Variants in ASTN2 observed in about 807,000 individuals in gnomAD.
ASTN2 encodes astrotactin-2.
Under a neutral mutation model 139.8 loss-of-function variants are expected in ASTN2, and 54 were observed. The observed-to-expected ratio is 0.39, with a 90% CI of 0.31 to 0.48. The LOEUF is 0.48. Ranked by LOEUF, ASTN2 falls within the 20% of genes least tolerant of loss-of-function variation. ASTN2 has a pLI of 0.95. For missense variants in ASTN2, 1,565 were observed against 1,725.1 expected (o/e 0.91, Z 1.64); for synonymous variants, 756 against 719.5 (o/e 1.05, Z -0.81).
intron 3 of ASTN2, among the ~76,000 whole-genome samples, chr9:117,205,209 C>A (rs1304704841): frequency 2.0e-5 from 3 of 152,112 alleles, no homozygotes; most frequent in Non-Finnish European, 4.4e-5. Flanking sequence ...GAGCAGTGAG[C>A]ATATCATGGT....
chr9:116,942,078 G>A (rs1042895447), intron 10 of ASTN2, among the ~76,000 whole-genome samples: 6 of 51,894 alleles, frequency 1.2e-4, no homozygotes, highest in East Asian at 7.6e-4. Flanking sequence ...GCAAGTGCAC[G>A]TACGCACGCA....
chr9:117,002,126 C>A (rs1417731738), intron 7 of ASTN2, among the ~76,000 whole-genome samples: 1 of 152,152 alleles, frequency 6.6e-6, no homozygotes, highest in Non-Finnish European at 1.5e-5. Flanking sequence ...GAGCAAGGTG[C>A]TTTGCTGGGC....
At chr9:117,337,799 A>C (rs1828932864) in intron 1 of ASTN2, among the ~76,000 whole-genome samples, 1 of 152,128 alleles carries the variant, frequency 6.6e-6, no homozygotes, top group South Asian at 2.1e-4. Context: ...AGCCAAGGGG[A>C]GAAGCAGAAG....
intron 16 of ASTN2, among the ~76,000 whole-genome samples, chr9:116,683,413 C>G (rs1311041376): frequency 1.3e-5 from 2 of 152,074 alleles, no homozygotes; most frequent in Non-Finnish European, 2.9e-5. Context: ...CAGAAGTAAC[C>G]AAGATTCCTA....
At chr9:116,939,116 G>A (rs1588426906) in intron 10 of ASTN2, among the ~76,000 whole-genome samples, 1 of 152,128 alleles carries the variant, frequency 6.6e-6, no homozygotes, top group Admixed American at 6.6e-5. Flanking sequence ...TTCAAATCCC[G>A]GTTCTGTCAC....
intron 10 of ASTN2, among the ~76,000 whole-genome samples, chr9:116,869,078 G>A (rs188919170): frequency 4.6e-5 from 7 of 152,042 alleles, no homozygotes; most frequent in Admixed American, 1.3e-4. Flanking sequence ...CCAGCTACTC[G>A]GGAGGCTGAA....
intron 3 of ASTN2, among the ~76,000 whole-genome samples, chr9:117,184,076 C>T (rs1260783329): frequency 6.6e-6 from 1 of 152,154 alleles, no homozygotes; most frequent in Non-Finnish European, 1.5e-5. Flanking sequence ...AGGTTAAGAG[C>T]CAGAAGAAGG....
rs774021798 is a variant in ASTN2, at chr9:117,215,117, CA to C, written c.631-376del. On this transcript the variant is annotated intron_variant, in intron 2 of 22. Coordinates refer to ENST00000313400, the MANE Select transcript of ASTN2 (RefSeq NM_001365068.1). ...GAAGGGTCAGTGCTGCGGCTTCACA[CA>C]GGTGAATGTCTGAATCTAGACTCCA... 3.3e-5 allele frequency among the ~76,000 whole-genome samples: 5 copies of C among 152,118 alleles called. No homozygotes were observed. The East Asian group carries it at 9.6e-4, about 29-fold the overall frequency.
At chr9:116,537,507 T>C (rs1420216328) in intron 19 of ASTN2, among the ~76,000 whole-genome samples, 1 of 152,192 alleles carries the variant, frequency 6.6e-6, no homozygotes, top group Non-Finnish European at 1.5e-5. Flanking sequence ...ATGTGTAATG[T>C]ATACATGTGG....
chr9:116,593,415 C>T (rs1235961207), intron 19 of ASTN2, among the ~76,000 whole-genome samples: 5 of 152,222 alleles, frequency 3.3e-5, no homozygotes, highest in South Asian at 4.1e-4. Flanking sequence ...ATGCCATTCT[C>T]CACATGTATG....
chr9:117,252,938 A>ATGTTGT (rs34440437), intron 2 of ASTN2, among the ~76,000 whole-genome samples: 7 of 151,818 alleles, frequency 4.6e-5, no homozygotes, highest in African/African-American at 1.5e-4. Flanking sequence ...ACTATGTTAT[A>ATGTTGT]TGTTGTTGTT....
chr9:117,100,730 A>G (rs1828957275), intron 4 of ASTN2, among the ~76,000 whole-genome samples: 1 of 152,230 alleles, frequency 6.6e-6, no homozygotes, highest in African/African-American at 2.4e-5. Flanking sequence ...AAAATGTTCA[A>G]TCTTAAAAAA....
chr9:117,084,386 G>A (rs889108345), intron 5 of ASTN2, among the ~76,000 whole-genome samples: 3 of 152,128 alleles, frequency 2.0e-5, no homozygotes, highest in East Asian at 1.9e-4. Flanking sequence ...CAAGAGTTAC[G>A]GTAAGCAAAA....
rs890194822 is a variant in ASTN2 at position 116,554,967 on chromosome 9, G to A, written c.3355+63357C>T. 6.6e-5 allele frequency among the ~76,000 whole-genome samples: 10 copies of A among 152,296 alleles called. No individual in the cohort carries two copies. The South Asian group carries it at 1.7e-3, about 25-fold the overall frequency. Reference sequence around the variant, plus strand: ...TTGATTTTCCAGGGTCTTTCGAGGAGGGAAACTGTGAGATTATCTGTGCAC... The same window carrying A: ...TTGATTTTCCAGGGTCTTTCGAGGAAGGAAACTGTGAGATTATCTGTGCAC... On this transcript the variant is annotated intron_variant, in intron 19 of 22. Transcript: ENST00000313400.
At chr9:117,027,327 A>G (rs1164923780) in intron 6 of ASTN2, among the ~76,000 whole-genome samples, 1 of 152,104 alleles carries the variant, frequency 6.6e-6, no homozygotes, top group Non-Finnish European at 1.5e-5. Context: ...TGCCCTTTGT[A>G]AAAGCAACTG....
At chr9:117,230,690 C>T (rs2133055685) in intron 2 of ASTN2, among the ~76,000 whole-genome samples, 1 of 152,156 alleles carries the variant, frequency 6.6e-6, no homozygotes, top group South Asian at 2.1e-4. Flanking sequence ...AGAGATTGAG[C>T]CAGGAAAGAA....
intron 10 of ASTN2, among the ~76,000 whole-genome samples, chr9:116,948,607 T>C (rs561416454): frequency 1.6e-4 from 25 of 152,000 alleles, no homozygotes; most frequent in African/African-American, 5.8e-4. Flanking sequence ...ATACTACATA[T>C]GCTCATTGCT....
At chr9:116,963,190 C>T (rs1199474643) in intron 10 of ASTN2, among the ~76,000 whole-genome samples, 1 of 152,120 alleles carries the variant, frequency 6.6e-6, no homozygotes, top group Non-Finnish European at 1.5e-5. Flanking sequence ...TTCTGGAGGG[C>T]ACATTCTCAA....
chr9:117,379,936 A>G (rs952638360), intron 1 of ASTN2, among the ~76,000 whole-genome samples: 2 of 152,202 alleles, frequency 1.3e-5, no homozygotes, highest in Admixed American at 6.5e-5. Context: ...ATTTTTTAAA[A>G]TAGTACTTTA....
Sources: gnomAD v4.1 joint callset for allele counts (sites outside exome capture counted in the v4.1 genomes callset) on GRCh38, gnomAD v4.1.1 for gene constraint, MANE v1.5 for transcripts, NCBI Gene and HGNC (gene_info 2026-07-23, HGNC 2026-07-21) for gene names.